The following CSMD1 variants were observed in gnomAD, a reference collection of about 807,000 sequenced individuals.
CSMD1 encodes the protein CUB and Sushi multiple domains 1.
Under a neutral mutation model 417.5 loss-of-function variants are expected in CSMD1, and 213 were observed. The ratio of observed to expected loss-of-function variants is 0.51; its 90% CI spans 0.46 to 0.57. The LOEUF is 0.57. Among genes scored for constraint, CSMD1 ranks in the 20% least tolerant of loss-of-function variants. The pLI is 0.00. For missense variants in CSMD1, 6,923 were observed against 4,529.7 expected (o/e 1.53, Z -15.17); for synonymous variants, 2,862 against 1,736.8 (o/e 1.65, Z -16.11).
At chr8:4,244,486 T>A (rs546569466) in intron 3 of CSMD1, among the ~76,000 whole-genome samples, 3 of 152,194 alleles carry the variant, frequency 2.0e-5, no homozygotes, top group African/African-American at 7.2e-5. Context: ...TGATTTTGGA[T>A]AACCTAAAAA....
chr8:4,958,858 G>A (rs926886264), intron 1 of CSMD1, among the ~76,000 whole-genome samples: 1 of 152,120 alleles, frequency 6.6e-6, no homozygotes, highest in African/African-American at 2.4e-5. Flanking sequence ...TTTAGTCAAA[G>A]AAAGCAGGTA....
chr8:4,125,692 G>T (rs190297123), intron 3 of CSMD1, among the ~76,000 whole-genome samples: 1 of 152,056 alleles, frequency 6.6e-6, no homozygotes, highest in Non-Finnish European at 1.5e-5. Context: ...TCATTCCTGG[G>T]CATAGGCTGA....
At chr8:4,117,727 G>C (rs1306144952) in intron 3 of CSMD1, among the ~76,000 whole-genome samples, 1 of 152,136 alleles carries the variant, frequency 6.6e-6, no homozygotes, top group African/African-American at 2.4e-5. Context: ...ATAGCTTTTA[G>C]AGAAGTAAGT....
At chr8:3,670,790 A>C (rs1306232420) in intron 7 of CSMD1, among the ~76,000 whole-genome samples, 1 of 150,666 alleles carries the variant, frequency 6.6e-6, no homozygotes, top group Admixed American at 6.6e-5. Context: ...CGGGATATAC[A>C]TGTATATGGG....
At chr8:4,117,058 C>T (rs973598701) in intron 3 of CSMD1, among the ~76,000 whole-genome samples, 3 of 151,808 alleles carry the variant, frequency 2.0e-5, no homozygotes, top group African/African-American at 7.3e-5. Flanking sequence ...CAGTAGTTAA[C>T]CAGAATGAAA....
At position 3,091,668 on chromosome 8, in the gene CSMD1, T is replaced by C; in HGVS notation, c.7139-6A>G. On this transcript the variant is annotated splice_polypyrimidine_tract_variant and splice_region_variant and intron_variant, in intron 47 of 69. Coordinates refer to ENST00000635120, the MANE Select transcript of CSMD1 (RefSeq NM_033225.6). ...AGGACTTTGCCCAGAAGAACCTAAG[T>C]GAAACAGAAAAACAAAAACATTCAG... The C allele has an allele frequency of 6.2e-7, 1 of 1,604,796 alleles. No individual in the cohort carries two copies. Among genetic ancestry groups the C allele is most frequent in the Non-Finnish European group, 8.5e-7 (1 of 1,177,748 alleles).
intron 2 of CSMD1, among the ~76,000 whole-genome samples, chr8:4,564,203 C>T (rs890941676): frequency 6.6e-6 from 1 of 152,196 alleles, no homozygotes; most frequent in Non-Finnish European, 1.5e-5. Flanking sequence ...TTTTTCTTCA[C>T]TTCCTTCCCC....
At chr8:3,932,452 G>A (rs11990480) in intron 5 of CSMD1, among the ~76,000 whole-genome samples, 1 of 149,824 alleles carries the variant, frequency 6.7e-6, no homozygotes. Flanking sequence ...CCCAGCCTCA[G>A]CACGGTAATA....
Position 3,815,809 on chromosome 8 carries a change from A to G in CSMD1, c.819-61767T>C, listed in dbSNP as rs558248669. ...GTAGTGAGCTAGTGAACGGGCCTAG[A>G]AAGTCTAAATTCTAGCCTTTGAATC... On this transcript the variant is annotated intron_variant, in intron 5 of 69. Transcript: ENST00000635120. 5.5e-4 allele frequency among the ~76,000 whole-genome samples: 83 copies of G among 152,264 alleles called. 1 individual carries two copies. The highest frequency in any genetic ancestry group is 3.4e-3 in the Middle Eastern group (1 of 294).
At position 3,290,802 on chromosome 8, in the gene CSMD1, T is replaced by C. The variant is rs907499228; in HGVS notation, c.3951-6456A>G. Reference sequence around the variant, plus strand: ...ACAATTTGACTTCCTCTTTTCCTAATTGAATACTCTTTATTTCTTTCTCGT... The same window carrying C: ...ACAATTTGACTTCCTCTTTTCCTAACTGAATACTCTTTATTTCTTTCTCGT... On this transcript the variant is annotated intron_variant, in intron 25 of 69. Coordinates refer to ENST00000635120, the MANE Select transcript of CSMD1 (RefSeq NM_033225.6). 3.4e-5 allele frequency among the ~76,000 whole-genome samples: 5 copies of C among 148,434 alleles called. No individual in the cohort carries two copies. The East Asian group carries it at 5.9e-4, about 17-fold the overall frequency.
intron 55 of CSMD1, among the ~76,000 whole-genome samples, chr8:2,975,856 C>G (rs555515274): frequency 1.3e-5 from 2 of 152,024 alleles, no homozygotes; most frequent in Admixed American, 6.6e-5. Context: ...CTGGCCACCC[C>G]GGAAAAGGAG....
rs1814591828 is a variant in CSMD1, at chr8:3,087,176, C to T, written c.7395G>A (p.Met2465Ile). 2.5e-6 allele frequency: 4 copies of T among 1,613,876 alleles called. No individual in the cohort carries two copies. The highest frequency in any genetic ancestry group is 3.4e-6 in the Non-Finnish European group (4 of 1,179,922). ...TACAGGTTGCATTGCTGTGGCCGAC[C>T]ATTCGGTATCCAGGCTTGCAAAAAT... Reference protein sequence around the residue: ...VHYFCKPGYRMVGHSNATCRR... With the variant: ...VHYFCKPGYRIVGHSNATCRR... Residue 2465 changes from methionine to isoleucine, a missense_variant, in exon 49 of 70, where the codon ATG (methionine) becomes ATA (isoleucine). Transcript: ENST00000635120.
chr8:3,953,258 G>A (rs530459374), intron 5 of CSMD1, among the ~76,000 whole-genome samples: 1 of 152,046 alleles, frequency 6.6e-6, no homozygotes, highest in Non-Finnish European at 1.5e-5. Context: ...TTAAGGAGAA[G>A]TTTTTACCCT....
In CSMD1 at chr8:3,670,604, A is replaced by ATATATATATGGGGATATATATATTG. The variant is rs771999714; in HGVS notation, c.1009+37809_1009+37810insCAATATATATATCCCCATATATATA. Among the ~76,000 whole-genome samples, 79 of 140,592 alleles carry ATATATATATGGGGATATATATATTG rather than the reference A, an allele frequency of 5.6e-4. 2 individuals are homozygous for ATATATATATGGGGATATATATATTG. Among genetic ancestry groups the ATATATATATGGGGATATATATATTG allele is most frequent in the South Asian group, 9.0e-4 (4 of 4,426 alleles). The allele number at this position is 140,592 out of a possible 152,430, so 92.2% of individuals were successfully genotyped here. On this transcript the variant is annotated intron_variant, in intron 7 of 69. Coordinates refer to ENST00000635120, the MANE Select transcript of CSMD1 (RefSeq NM_033225.6). ...ATATATATGGGGATATATATATTGC[A>ATATATATATGGGGATATATATATTG]CATATATATGGGGATATATATATGG...
chr8:3,269,230 G>T (rs1016567834), intron 26 of CSMD1, among the ~76,000 whole-genome samples: 1 of 152,226 alleles, frequency 6.6e-6, no homozygotes, highest in African/African-American at 2.4e-5. Context: ...GGCCTATGCT[G>T]TTCACAATCT....
chr8:3,186,945 T>C (rs10216596), intron 36 of CSMD1, among the ~76,000 whole-genome samples: 41,457 of 152,202 alleles, frequency 0.27, 6,314 homozygotes, highest in Non-Finnish European at 0.36. Flanking sequence ...TTTCGCCATG[T>C]TGGCCAGGCT....
At chr8:3,685,505 C>T (rs1046106101) in intron 7 of CSMD1, among the ~76,000 whole-genome samples, 5 of 152,074 alleles carry the variant, frequency 3.3e-5, no homozygotes, top group Non-Finnish European at 7.4e-5. Context: ...AAATCCACCT[C>T]CCTGACCTAC....
At chr8:4,115,148 A>C (rs144132352) in intron 3 of CSMD1, among the ~76,000 whole-genome samples, 1 of 152,218 alleles carries the variant, frequency 6.6e-6, no homozygotes, top group Non-Finnish European at 1.5e-5. Context: ...CAAAATATCA[A>C]TATCTCATTT....
intron 2 of CSMD1, among the ~76,000 whole-genome samples, chr8:4,551,597 T>G (rs1177583660): frequency 1.3e-5 from 2 of 152,146 alleles, no homozygotes; most frequent in Non-Finnish European, 2.9e-5. Flanking sequence ...ACACTCAAGA[T>G]GCTGCCATCA....
Sources: gnomAD v4.1 joint callset for allele counts (sites outside exome capture counted in the v4.1 genomes callset) on GRCh38, gnomAD v4.1.1 for gene constraint, MANE v1.5 for transcripts, NCBI Gene and HGNC (gene_info 2026-07-23, HGNC 2026-07-21) for gene names.